TNFSF11: variants seen among roughly 807,000 people sequenced by gnomAD.
TNFSF11 encodes the protein tumor necrosis factor ligand superfamily member 11.
Under a neutral mutation model 32.2 loss-of-function variants are expected in TNFSF11, and 12 were observed. The ratio of observed to expected loss-of-function variants is 0.37; its 90% CI spans 0.24 to 0.60. TNFSF11 has a LOEUF of 0.60. Among genes scored for constraint, TNFSF11 ranks in the 20% least tolerant of loss-of-function variants. The pLI, the probability that TNFSF11 is intolerant of heterozygous loss-of-function variation, is 0.66. For missense variants in TNFSF11, 345 were observed against 398.0 expected, an observed-to-expected ratio of 0.87 and a Z score of 1.13; for synonymous variants, 172 against 152.1, an observed-to-expected ratio of 1.13 and a Z score of -0.96.
chr13:42,585,565 A>G (rs979421761), intron 2 of TNFSF11, among the ~76,000 whole-genome samples: 1 of 152,226 alleles, frequency 6.6e-6, no homozygotes, highest in Non-Finnish European at 1.5e-5. Flanking sequence ...ATAACAGTCT[A>G]TGACAATAAA....
At chr13:42,565,017 T>G (rs148087313) in intron 1 of TNFSF11, among the ~76,000 whole-genome samples, 1 of 152,340 alleles carries the variant, frequency 6.6e-6, no homozygotes, top group Non-Finnish European at 1.5e-5. Flanking sequence ...TTGTAGATTT[T>G]AATCTGTTAC....
At chr13:42,564,709 T>C (rs75335932) in intron 1 of TNFSF11, among the ~76,000 whole-genome samples, 2,079 of 152,350 alleles carry the variant, frequency 0.014, 56 homozygotes, top group African/African-American at 0.047. Context: ...GAAAATTGTA[T>C]ACCAAGCATT....
rs201417676 is a variant in TNFSF11, at chr13:42,607,664, G to A, written c.*746G>A. On this transcript the variant is annotated 3_prime_UTR_variant, in exon 5 of 5. Coordinates refer to ENST00000398795, the MANE Select transcript of TNFSF11 (RefSeq NM_003701.4). ...AGATTTTTTCAGACTTGTCAAGCCT[G>A]TGCAAAAAAATTAAAATGGATGCCT... 2 of 152,684 alleles carry A rather than the reference G, an allele frequency of 1.3e-5. No individual in the cohort carries two copies. Among genetic ancestry groups the A allele is most frequent in the Admixed American group, 1.3e-4 (2 of 15,274 alleles). 9.5% of individuals were successfully genotyped at this position (152,684 alleles called of 1,614,324 possible).
chr13:42,582,657 A>G (rs946183087), intron 2 of TNFSF11, among the ~76,000 whole-genome samples: 4 of 152,216 alleles, frequency 2.6e-5, no homozygotes, highest in Non-Finnish European at 5.9e-5. Context: ...TTTCATTATC[A>G]TTAGTGTGTA....
rs532598278 is a variant in TNFSF11 at position 42,589,825 on chromosome 13, TTGAATGGA to T, written c.387+8555_387+8562del. On this transcript the variant is annotated intron_variant, in intron 2 of 4. Coordinates refer to ENST00000398795, the MANE Select transcript of TNFSF11 (RefSeq NM_003701.4). ...TCCTAGCCTCCATCGGTAAACTTTG[TTGAATGGA>T]TGAATGGATGAATGGATGAATGAAT... Among the ~76,000 whole-genome samples the T allele has an allele frequency of 3.0e-3, 458 of 152,356 alleles. 2 individuals carry two copies. Among genetic ancestry groups the T allele is most frequent in the South Asian group, 0.018 (86 of 4,824 alleles).
In TNFSF11 at chr13:42,607,223, G is replaced by A. The variant is rs1869513781; in HGVS notation, c.*305G>A. On this transcript the variant is annotated 3_prime_UTR_variant, in exon 5 of 5. Transcript: ENST00000398795. ...CTGCATGTGGGCTATGGGAGGGGTT[G>A]GTCCCTGGTCATGTGCCCCTTCGCA... 1 of 307,342 alleles carries A rather than the reference G, an allele frequency of 3.3e-6. No individual in the cohort carries two copies. Among genetic ancestry groups the A allele is most frequent in the Non-Finnish European group, 6.1e-6 (1 of 165,000 alleles). 19.0% of individuals were successfully genotyped at this position (307,342 alleles called of 1,614,324 possible).
intron 2 of TNFSF11, among the ~76,000 whole-genome samples, chr13:42,593,331 G>A (rs1201382846): frequency 6.6e-6 from 1 of 152,112 alleles, no homozygotes; most frequent in Non-Finnish European, 1.5e-5. Context: ...TAAGGAACGT[G>A]GACTTGAACC....
intron 1 of TNFSF11, among the ~76,000 whole-genome samples, chr13:42,580,685 G>A (rs112473510): frequency 6.6e-6 from 1 of 152,114 alleles, no homozygotes; most frequent in Non-Finnish European, 1.5e-5. Flanking sequence ...TTTTATATAG[G>A]TTTCATGCTC....
chr13:42,594,600 C>G (rs996692027), intron 2 of TNFSF11, among the ~76,000 whole-genome samples: 3 of 152,186 alleles, frequency 2.0e-5, no homozygotes, highest in Non-Finnish European at 2.9e-5. Context: ...GAAAATACTC[C>G]TAAGTGTTTA....
At chr13:42,605,104 G>T (rs1232497470) in intron 4 of TNFSF11, among the ~76,000 whole-genome samples, 2 of 152,112 alleles carry the variant, frequency 1.3e-5, no homozygotes, top group South Asian at 2.1e-4. Flanking sequence ...TCTCGATGAG[G>T]CTCTCATAAG....
rs760985300 is a variant in TNFSF11 at position 42,606,793 on chromosome 13, G to A, written c.829G>A (p.Val277Ile). The part of the protein sequence containing the change: ...NSEFHFYSIN[V>I]GGFFKLRSGE... ...TGAATTCCATTTTTATTCCATAAACGTTGGTGGATTTTTTAAGTTACGGTC... is the reference window on the plus strand; with the variant it reads ...TGAATTCCATTTTTATTCCATAAACATTGGTGGATTTTTTAAGTTACGGTC... The change falls in exon 5 of 5, where the codon GTT becomes ATT. Residue 277 changes from valine (V) to isoleucine (I), a missense_variant. Physicochemically the swap from Val to Ile is conservative, Grantham distance 29 (BLOSUM62 3). Coordinates refer to ENST00000398795, the MANE Select transcript of TNFSF11 (RefSeq NM_003701.4). The A allele has an allele frequency of 1.2e-5, 19 of 1,613,442 alleles. No homozygotes were observed. The highest frequency in any genetic ancestry group is 8.8e-5 in the South Asian group (8 of 91,062).
chr13:42,606,999 T>C lies in TNFSF11; in HGVS notation c.*81T>C. On this transcript the variant is annotated 3_prime_UTR_variant, in exon 5 of 5. Coordinates refer to ENST00000398795, the MANE Select transcript of TNFSF11 (RefSeq NM_003701.4). The stretch of plus-strand genomic sequence containing the variant: ...ACAAGCCAAGAAAGATGTATATAGG[T>C]GTGTGAGACTACTAAGAGGCATGGC... 6.4e-7 allele frequency: 1 copy of C among 1,572,206 alleles called. No individual in the cohort carries two copies. The highest frequency in any genetic ancestry group is 8.7e-7 in the Non-Finnish European group (1 of 1,147,224).
upstream of TNFSF11, among the ~76,000 whole-genome samples, chr13:42,570,566 C>T (rs1321667438): frequency 6.6e-6 from 1 of 152,144 alleles, no homozygotes; most frequent in African/African-American, 2.4e-5. Flanking sequence ...GCTTACAAGG[C>T]TTTCACTCAA....
intron 4 of TNFSF11, 89 bp from the exon 5 acceptor site, chr13:42,606,408 T>G: frequency 6.7e-7 from 1 of 1,495,968 alleles, no homozygotes. Flanking sequence ...ACTGCTATAC[T>G]ATTTTTTCTC....
intron 1 of TNFSF11, among the ~76,000 whole-genome samples, chr13:42,579,678 G>A (rs1873501090): frequency 7.0e-6 from 1 of 143,152 alleles, no homozygotes; most frequent in Admixed American, 7.3e-5. Flanking sequence ...CTGGTCTTGT[G>A]GGATACACAC....
At chr13:42,597,657 A>C (rs1216715379) in intron 2 of TNFSF11, among the ~76,000 whole-genome samples, 1 of 152,050 alleles carries the variant, frequency 6.6e-6, no homozygotes, top group Non-Finnish European at 1.5e-5. Flanking sequence ...CCAGGCCAGC[A>C]ACACCAGCTC....
At chr13:42,583,613 A>T (rs1393453654) in intron 2 of TNFSF11, among the ~76,000 whole-genome samples, 1 of 152,056 alleles carries the variant, frequency 6.6e-6, no homozygotes, top group South Asian at 2.1e-4. Flanking sequence ...AGAAAACAGA[A>T]CTGGATGGAT....
intron 2 of TNFSF11, among the ~76,000 whole-genome samples, chr13:42,567,036 A>G (rs11839430): frequency 6.6e-6 from 1 of 151,984 alleles, no homozygotes. Flanking sequence ...ATGAAACTGC[A>G]AGTTAAACAA....
chr13:42,593,656 G>A (rs1338956377), intron 2 of TNFSF11, among the ~76,000 whole-genome samples: 1 of 152,252 alleles, frequency 6.6e-6, no homozygotes, highest in Admixed American at 6.5e-5. Context: ...GCTGATGAAT[G>A]CACTATTCTT....
Sources: allele counts gnomAD v4.1 joint callset (sites outside exome capture counted in the v4.1 genomes callset), GRCh38; gene constraint gnomAD v4.1.1; transcripts MANE v1.5; gene names NCBI Gene and HGNC (gene_info 2026-07-23, HGNC 2026-07-21).